Variants in CIITA observed in about 807,000 individuals in gnomAD.
CIITA encodes MHC class II transactivator.
A neutral mutation model predicts 115.1 loss-of-function variants in CIITA; 72 were observed. That is an observed-to-expected ratio of 0.63 (90% CI 0.52 to 0.76). The LOEUF is 0.76. Ranked by LOEUF, CIITA falls within the 30% of genes least tolerant of loss-of-function variation. CIITA has a pLI of 0.00. For synonymous variants in CIITA, 763 were observed against 635.6 expected (o/e 1.20, Z -3.02); for missense variants, 1,617 against 1,463.8 (o/e 1.10, Z -1.71).
chr16:10,868,591 C>T (rs1322637574), intron 1 of CIITA, among the ~76,000 whole-genome samples: 1 of 152,196 alleles, frequency 6.6e-6, no homozygotes, highest in Non-Finnish European at 1.5e-5. Flanking sequence ...TCAACAGGGG[C>T]GCAGACAGCC....
intron 15 of CIITA, chr16:10,916,991 G>A (rs1035554520): frequency 2.4e-5 from 6 of 249,056 alleles, no homozygotes; most frequent in Admixed American, 9.8e-5. Flanking sequence ...TAAACAAGTC[G>A]GTAATTATAA....
intron 5 of CIITA, 86 bp downstream of exon 5, chr16:10,899,088 G>C (rs1323975004): frequency 1.5e-6 from 2 of 1,293,968 alleles, no homozygotes; most frequent in Admixed American, 1.8e-5. Context: ...GGTCCAACTT[G>C]CTTCCCTCGC....
rs2040992791 is a variant in CIITA at position 10,935,587 on chromosome 16, A to C, written c.*11732A>C. 1 of 152,254 alleles carries C rather than the reference A, an allele frequency of 6.6e-6. No homozygotes were observed. Among genetic ancestry groups the C allele is most frequent in the Non-Finnish European group, 1.5e-5 (1 of 68,044 alleles). The allele number at this position is 152,254 out of a possible 1,614,324, so 9.4% of individuals were successfully genotyped here. On this transcript the variant is annotated 3_prime_UTR_variant, in exon 20 of 20. Transcript: ENST00000324288. ...ACTAGTGCATTTCATCTTAAACTGC[A>C]AATTATAAAGGGAATAATAGTAACT... is the stretch of plus-strand genomic sequence containing the variant.
chr16:10,925,677 C>T lies in CIITA; in HGVS notation c.*1822C>T, dbSNP rs2040502099. 2 of 152,342 alleles carry T rather than the reference C, an allele frequency of 1.3e-5. No individual in the cohort carries two copies. Among genetic ancestry groups the T allele is most frequent in the South Asian group, 2.1e-4 (1 of 4,832 alleles). 9.4% of individuals were successfully genotyped at this position (152,342 alleles called of 1,614,324 possible). On this transcript the variant is annotated 3_prime_UTR_variant, in exon 20 of 20. Transcript: ENST00000324288. ...ACTGTCCTACCCACCCTCCTTTCAC[C>T]ACATGTGCACATGCACGTGTGTGCA...
At chr16:10,882,154 C>T (rs1411999777) in intron 1 of CIITA, among the ~76,000 whole-genome samples, 2 of 152,142 alleles carry the variant, frequency 1.3e-5, no homozygotes, top group South Asian at 2.1e-4. Flanking sequence ...TCTGACTCCC[C>T]GCTTTCAACT....
At chr16:10,890,224 T>C (rs11074935) in intron 1 of CIITA, among the ~76,000 whole-genome samples, 8,491 of 151,924 alleles carry the variant, frequency 0.056, 811 homozygotes, top group African/African-American at 0.19. Flanking sequence ...CCAGGCAACT[T>C]CTCAGTGGTG....
intron 5 of CIITA, among the ~76,000 whole-genome samples, chr16:10,900,599 G>C (rs1455091590): frequency 1.3e-5 from 2 of 152,044 alleles, no homozygotes; most frequent in African/African-American, 2.4e-5. Flanking sequence ...AATTAGCCAG[G>C]CGTGGTGGCG....
Position 10,901,729 on chromosome 16 carries a change from A to T in CIITA, c.481+171A>T, listed in dbSNP as rs1400946074. 1 of 726,296 alleles carries T rather than the reference A, an allele frequency of 1.4e-6. No homozygotes were observed. The highest frequency in any genetic ancestry group is 2.3e-6 in the Non-Finnish European group (1 of 431,418). The allele number at this position is 726,296 out of a possible 1,614,324, so 45.0% of individuals were successfully genotyped here. ...TCCCTTAGAGTCCTCTAAGGGGCTCACGACTGTTTGTGGAAGGTGGTAGGG... is the reference window on the plus strand; with the variant it reads ...TCCCTTAGAGTCCTCTAAGGGGCTCTCGACTGTTTGTGGAAGGTGGTAGGG... On this transcript the variant is annotated intron_variant, in intron 6 of 19. Transcript: ENST00000324288. The surrounding 1 kb of genome is among the most constrained non-coding windows in gnomAD (Gnocchi z 6.8).
Position 10,879,361 on chromosome 16 carries a change from C to T in CIITA, c.52+1979C>T, listed in dbSNP as rs1017792076. The stretch of plus-strand genomic sequence containing the variant: ...GGGAGCGCGGAGCAGACACACTCCC[C>T]CGGCCACCCTTGGCCGACTCCGCGC... On this transcript the variant is annotated intron_variant, in intron 1 of 19. Transcript: ENST00000324288. This position sits in a 1 kb window ranked among gnomAD's most constrained non-coding sequence, Gnocchi z 4.3. Among the ~76,000 whole-genome samples, 2 of 152,140 alleles carry T rather than the reference C, an allele frequency of 1.3e-5. No homozygotes were observed. Among genetic ancestry groups the T allele is most frequent in the Non-Finnish European group, 2.9e-5 (2 of 68,020 alleles).
At chr16:10,898,471 T>TTGGGTG (rs2038362897) in intron 3 of CIITA, among the ~76,000 whole-genome samples, 199 bp from the exon 4 acceptor site, 2 of 151,418 alleles carry the variant, frequency 1.3e-5, no homozygotes. Flanking sequence ...CATGGATACA[T>TTGGGTG]ACCTCATCCT....
chr16:10,902,620 T>C (rs1271817422), intron 7 of CIITA, 38 bp from the exon 8 acceptor site: 2 of 1,613,114 alleles, frequency 1.2e-6, no homozygotes, highest in South Asian at 1.1e-5. Flanking sequence ...ACACAGGTGC[T>C]ATGCAAGATC....
rs978972510 is a variant in CIITA, at chr16:10,902,239, G to C, written c.628+55G>C. ...TTTCTCCCTCTTGGGAGGTGGATAA[G>C]GAGTTGACACTAAGGCAGGGACTGT... is the stretch of plus-strand genomic sequence containing the variant. On this transcript the variant is annotated intron_variant, in intron 7 of 19. Coordinates refer to ENST00000324288, the MANE Select transcript of CIITA (RefSeq NM_000246.4). The C allele has an allele frequency of 9.3e-6, 15 of 1,609,026 alleles. No homozygotes were observed. In the South Asian group the frequency reaches 1.1e-4, roughly 12 times the overall value.
chr16:10,914,816 A>G (rs2039837200), intron 13 of CIITA, among the ~76,000 whole-genome samples: 1 of 152,192 alleles, frequency 6.6e-6, no homozygotes, highest in South Asian at 2.1e-4. Flanking sequence ...CTGGCTTATA[A>G]TAAATGCTCA....
chr16:10,922,915 A>G (rs1468827457), intron 18 of CIITA: 2 of 509,602 alleles, frequency 3.9e-6, no homozygotes, highest in Non-Finnish European at 7.1e-6. Flanking sequence ...TATCTCCACA[A>G]TCACTCACCT....
Position 10,907,224 on chromosome 16 carries a change from G to A in CIITA, c.1732G>A (p.Val578Met), listed in dbSNP as rs151195889. Residue 578 changes from valine to methionine, a missense_variant, in exon 11 of 20, where the codon GTG (valine) becomes ATG (methionine). Transcript: ENST00000324288. This position sits in a 1 kb window ranked among gnomAD's most constrained non-coding sequence, Gnocchi z 5.0. ...GFSMEQAQAY[V>M]MRYFESSGMT... Reference sequence around the variant, plus strand: ...CTCCATGGAGCAGGCCCAGGCATACGTGATGCGCTACTTTGAGAGCTCAGG... The same window carrying A: ...CTCCATGGAGCAGGCCCAGGCATACATGATGCGCTACTTTGAGAGCTCAGG... The A allele has an allele frequency of 7.4e-6, 12 of 1,613,334 alleles. No homozygotes were observed. The highest frequency in any genetic ancestry group is 6.7e-5 in the Admixed American group (4 of 59,998).
rs2040421911 is a variant in CIITA, at chr16:10,924,075, A to G, written c.*220A>G. On this transcript the variant is annotated 3_prime_UTR_variant, in exon 20 of 20. Coordinates refer to ENST00000324288, the MANE Select transcript of CIITA (RefSeq NM_000246.4). ...CACAGGCCCGGCTCCAGGCTCCTTT[A>G]GCGCCCAGTTGGGTGGATGCCTGGT... 2 of 152,462 alleles carry G rather than the reference A, an allele frequency of 1.3e-5. No homozygotes were observed. The highest frequency in any genetic ancestry group is 2.9e-5 in the Non-Finnish European group (2 of 68,286). 9.4% of individuals were successfully genotyped at this position (152,462 alleles called of 1,614,324 possible).
chr16:10,912,906 CT>C (rs1049164070), intron 13 of CIITA, among the ~76,000 whole-genome samples: 16 of 152,228 alleles, frequency 1.1e-4, no homozygotes, highest in Non-Finnish European at 1.9e-4. Flanking sequence ...TTTTCTCAGG[CT>C]TCTACTGTGC....
chr16:10,872,661 T>G (rs1419301553), upstream of CIITA, among the ~76,000 whole-genome samples: 1 of 152,242 alleles, frequency 6.6e-6, no homozygotes, highest in Non-Finnish European at 1.5e-5. Context: ...CACCCTCCCA[T>G]GTCCCTCCCT....
chr16:10,919,280 GCCCC>G (rs143739440), intron 16 of CIITA, among the ~76,000 whole-genome samples: 2 of 151,946 alleles, frequency 1.3e-5, no homozygotes, highest in Non-Finnish European at 2.9e-5. Context: ...TGCAACTTCT[GCCCC>G]CCCCCAGGTT....
Sources: gnomAD v4.1 joint callset for allele counts (sites outside exome capture counted in the v4.1 genomes callset) on GRCh38, gnomAD v4.1.1 for gene constraint, Gnocchi (gnomAD v3.1) non-coding constraint, MANE v1.5 for transcripts, NCBI Gene and HGNC (gene_info 2026-07-23, HGNC 2026-07-21) for gene names.